Variants in SPSB1 observed in about 807,000 individuals in gnomAD.
SPSB1 encodes SPRY domain-containing SOCS box protein 1.
Under a neutral mutation model 21.2 loss-of-function variants are expected in SPSB1, and 8 were observed. The ratio of observed to expected loss-of-function variants is 0.38; its 90% CI spans 0.22 to 0.68. SPSB1 has a LOEUF of 0.68. SPSB1 is among the 30% of genes least tolerant of loss of function. The probability of loss-of-function intolerance (pLI) is 0.53; values close to 1 mark genes in which losing one functional copy is unlikely to be tolerated. For missense variants in SPSB1, 242 were observed against 377.8 expected (o/e 0.64, Z 2.98); for synonymous variants, 169 against 161.7 (o/e 1.05, Z -0.34).
intron 1 of SPSB1, among the ~76,000 whole-genome samples, chr1:9,318,173 TG>T (rs1335722690): frequency 6.6e-6 from 1 of 152,164 alleles, no homozygotes; most frequent in East Asian, 1.9e-4. Flanking sequence ...CAGCAGGCAG[TG>T]GGGGAAGGTG....
intron 1 of SPSB1, among the ~76,000 whole-genome samples, chr1:9,307,078 C>T (rs1639427610): frequency 6.6e-6 from 1 of 152,054 alleles, no homozygotes; most frequent in Admixed American, 6.6e-5. Context: ...CAGGCACGTG[C>T]CACCACGCCT....
chr1:9,351,364 T>G (rs868284074), intron 1 of SPSB1: 1 of 152,272 alleles, frequency 6.6e-6, no homozygotes, highest in African/African-American at 2.4e-5. Flanking sequence ...AGGAGAACAG[T>G]GATCTTTGAT....
In SPSB1 at chr1:9,355,888, G is replaced by A. The variant is rs370556018; in HGVS notation, c.-4G>A. On this transcript the variant is annotated 5_prime_UTR_variant, in exon 2 of 3. Transcript: ENST00000328089. ...TCGGTAAGAAGGTGAAGCCAGGGGC[G>A]AACATGGGTCAGAAGGTCACTGGAG... The A allele has an allele frequency of 2.0e-4, 309 of 1,545,886 alleles. 1 individual carries two copies. The highest frequency in any genetic ancestry group is 4.5e-4 in the East Asian group (20 of 44,042).
chr1:9,336,903 C>G (rs1640014017), intron 1 of SPSB1, among the ~76,000 whole-genome samples: 1 of 152,166 alleles, frequency 6.6e-6, no homozygotes, highest in Non-Finnish European at 1.5e-5. Context: ...GGGGAAGGAG[C>G]CTTCTAACCT....
chr1:9,348,236 C>T lies in SPSB1; in HGVS notation c.-149-7507C>T, dbSNP rs662553. 4.6e-3 allele frequency among the ~76,000 whole-genome samples: 701 copies of T among 152,070 alleles called. 7 individuals carry two copies. The highest frequency in any genetic ancestry group is 0.016 in the African/African-American group (651 of 41,478). The stretch of plus-strand genomic sequence containing the variant: ...CTGGGATTACAGGCGTGAGCCACCG[C>T]GGCAACTTTTTTTAACCCTGGGCAT... On this transcript the variant is annotated intron_variant, in intron 1 of 2. Transcript: ENST00000328089. The surrounding 1 kb of genome is among the most constrained non-coding windows in gnomAD (Gnocchi z 4.8).
chr1:9,365,968 C>CAGGGCGGCGAAGCGGGT (rs1557469095), intron 2 of SPSB1, among the ~76,000 whole-genome samples: 1 of 152,102 alleles, frequency 6.6e-6, no homozygotes, highest in East Asian at 1.9e-4. Context: ...GCGAAGCGGG[C>CAGGGCGGCGAAGCGGGT]GAGCAGGGCC....
chr1:9,294,176 GTC>G (rs1043923518), intron 1 of SPSB1, among the ~76,000 whole-genome samples: 68 of 148,828 alleles, frequency 4.6e-4, no homozygotes, highest in African/African-American at 1.5e-3. Context: ...CTGAGTGTCT[GTC>G]TCTGCAAATG....
chr1:9,353,615 T>C (rs1640310194), intron 1 of SPSB1, among the ~76,000 whole-genome samples: 2 of 152,082 alleles, frequency 1.3e-5, no homozygotes, highest in African/African-American at 2.4e-5. Flanking sequence ...ACCGTGCCCC[T>C]GAGATCAGAA....
At chr1:9,354,761 A>G (rs1437883573) in intron 1 of SPSB1, among the ~76,000 whole-genome samples, 1 of 151,932 alleles carries the variant, frequency 6.6e-6, no homozygotes, top group Non-Finnish European at 1.5e-5. Flanking sequence ...AGATCACGCC[A>G]CTGCACTCCA....
rs1639388926 is a variant in SPSB1 at position 9,305,028 on chromosome 1, C to T, written c.-150+11957C>T. The stretch of plus-strand genomic sequence containing the variant: ...CTGGCCATTCCCTGGGCTTCACCTG[C>T]CTCCTGCGCCCAGACCCATCTGGCA... On this transcript the variant is annotated intron_variant, in intron 1 of 2. Transcript: ENST00000328089. This position sits in a 1 kb window ranked among gnomAD's most constrained non-coding sequence, Gnocchi z 4.8. Among the ~76,000 whole-genome samples the T allele has an allele frequency of 6.6e-6, 1 of 152,148 alleles. No individual in the cohort carries two copies. Among genetic ancestry groups the T allele is most frequent in the East Asian group, 1.9e-4 (1 of 5,184 alleles).
In SPSB1 at chr1:9,368,338, C is replaced by T. The variant is rs1640611426; in HGVS notation, c.*763C>T. On this transcript the variant is annotated 3_prime_UTR_variant, in exon 3 of 3. Transcript: ENST00000328089. ...CCCGCCCTCCCTGGGCACATGTGCACACGTGCCCAGGCACAAGTATGTCTC... is the reference window on the plus strand; with the variant it reads ...CCCGCCCTCCCTGGGCACATGTGCATACGTGCCCAGGCACAAGTATGTCTC... 6.6e-6 allele frequency: 1 copy of T among 152,332 alleles called. No homozygotes were observed. Among genetic ancestry groups the T allele is most frequent in the East Asian group, 1.9e-4 (1 of 5,172 alleles). 9.4% of individuals were successfully genotyped at this position (152,332 alleles called of 1,614,324 possible).
At chr1:9,366,864 A>G (rs1008001403) in intron 2 of SPSB1, among the ~76,000 whole-genome samples, 6 of 152,218 alleles carry the variant, frequency 3.9e-5, no homozygotes, top group African/African-American at 1.4e-4. Flanking sequence ...GTGAACCACC[A>G]TGCCCAGCTA....
chr1:9,319,800 TTGAG>T (rs1444030084), intron 1 of SPSB1, among the ~76,000 whole-genome samples: 1 of 152,042 alleles, frequency 6.6e-6, no homozygotes, highest in Admixed American at 6.5e-5. Flanking sequence ...CCATGAGCCT[TTGAG>T]TGAGCCCTCA....
intron 1 of SPSB1, among the ~76,000 whole-genome samples, chr1:9,325,158 C>G (rs963169872): frequency 6.6e-6 from 1 of 151,432 alleles, no homozygotes; most frequent in African/African-American, 2.4e-5. Context: ...TTCCCCCAGC[C>G]GGGGCGCTGG....
chr1:9,298,184 C>T (rs621846), intron 1 of SPSB1, among the ~76,000 whole-genome samples: 89,434 of 152,016 alleles, frequency 0.59, 26,945 homozygotes, highest in African/African-American at 0.69. Context: ...ACAGGAAACC[C>T]GTGAAATTCT....
At position 9,321,806 on chromosome 1, in the gene SPSB1, C is replaced by T. The variant is rs935818149; in HGVS notation, c.-150+28735C>T. On this transcript the variant is annotated intron_variant, in intron 1 of 2. Coordinates refer to ENST00000328089, the MANE Select transcript of SPSB1 (RefSeq NM_025106.4). The surrounding 1 kb of genome is among the most constrained non-coding windows in gnomAD (Gnocchi z 4.8). ...AGGCTGGGAGACTGGCCAGGGGCAC[C>T]GCAGAGACCACGGGAGAGGCTCTTC... Among the ~76,000 whole-genome samples, 3 of 152,182 alleles carry T rather than the reference C, an allele frequency of 2.0e-5. No individual in the cohort carries two copies. Among genetic ancestry groups the T allele is most frequent in the East Asian group, 1.9e-4 (1 of 5,180 alleles).
At chr1:9,335,027 GC>G (rs1401474331) in intron 1 of SPSB1, among the ~76,000 whole-genome samples, 4 of 152,104 alleles carry the variant, frequency 2.6e-5, no homozygotes, top group African/African-American at 9.7e-5. Flanking sequence ...TCTGTTCAAG[GC>G]CCTGCTTTGC....
chr1:9,323,345 G>T (rs1033426137), intron 1 of SPSB1, among the ~76,000 whole-genome samples: 3 of 152,228 alleles, frequency 2.0e-5, no homozygotes, highest in Non-Finnish European at 4.4e-5. Context: ...AGCAGTGGAT[G>T]TGCCCTCCAT....
intron 1 of SPSB1, among the ~76,000 whole-genome samples, chr1:9,297,822 T>C (rs985221792): frequency 2.0e-5 from 3 of 152,198 alleles, no homozygotes; most frequent in African/African-American, 4.8e-5. Context: ...ATTGGAATGC[T>C]GGAGTGGATT....
Sources: gnomAD v4.1 joint callset for allele counts (sites outside exome capture counted in the v4.1 genomes callset) on GRCh38, gnomAD v4.1.1 for gene constraint, Gnocchi (gnomAD v3.1) non-coding constraint, MANE v1.5 for transcripts, NCBI Gene and HGNC (gene_info 2026-07-23, HGNC 2026-07-21) for gene names.